SLC30A9: variants seen among roughly 807,000 people sequenced by gnomAD.
SLC30A9 encodes the protein solute carrier family 30 member 9, also known as proton-coupled zinc antiporter SLC30A9, mitochondrial.
Under a neutral mutation model 87.5 loss-of-function variants are expected in SLC30A9, and 58 were observed. That is an observed-to-expected ratio of 0.66 (90% CI 0.54 to 0.82). The LOEUF is 0.82. Ranked by LOEUF, SLC30A9 falls within the 40% of genes least tolerant of loss-of-function variation. The pLI, the probability that SLC30A9 is intolerant of heterozygous loss-of-function variation, is 0.00. For synonymous variants in SLC30A9, 234 were observed against 233.0 expected (o/e 1.00, Z -0.04); for missense variants, 557 against 679.1 (o/e 0.82, Z 2.00).
intron 6 of SLC30A9, among the ~76,000 whole-genome samples, chr4:42,031,993 C>T (rs1248772160): frequency 6.6e-6 from 1 of 152,124 alleles, no homozygotes; most frequent in African/African-American, 2.4e-5. Flanking sequence ...GTATAGAAAG[C>T]ATAGAAGCTT....
At chr4:42,010,503 A>AAC (rs1459423622) in intron 2 of SLC30A9, among the ~76,000 whole-genome samples, 1 of 152,030 alleles carries the variant, frequency 6.6e-6, no homozygotes, top group African/African-American at 2.4e-5. Flanking sequence ...AAATAAAATA[A>AAC]ACACACACAC....
chr4:42,048,757 CAT>C (rs1717269508), intron 8 of SLC30A9, among the ~76,000 whole-genome samples: 1 of 152,104 alleles, frequency 6.6e-6, no homozygotes, highest in Non-Finnish European at 1.5e-5. Flanking sequence ...ACCTAAAACA[CAT>C]AATTTTCTTT....
At chr4:42,004,610 T>C (rs1215294711) in intron 2 of SLC30A9, among the ~76,000 whole-genome samples, 1 of 152,048 alleles carries the variant, frequency 6.6e-6, no homozygotes, top group Non-Finnish European at 1.5e-5. Context: ...TGGTTGATTA[T>C]GTATGTTGGG....
At chr4:42,034,028 AAACGAT>A (rs1716571036) in intron 6 of SLC30A9, among the ~76,000 whole-genome samples, 1 of 152,196 alleles carries the variant, frequency 6.6e-6, no homozygotes, top group Non-Finnish European at 1.5e-5. Context: ...TTTGCTATTA[AAACGAT>A]ACCATGAGAA....
intron 11 of SLC30A9, among the ~76,000 whole-genome samples, chr4:42,063,905 GC>G (rs1320512201): frequency 6.6e-6 from 1 of 152,190 alleles, no homozygotes; most frequent in East Asian, 1.9e-4. Flanking sequence ...TGGAAAGAAT[GC>G]CCTTTGAGCA....
Position 42,065,369 on chromosome 4 carries a change from A to T in SLC30A9, c.1072+20A>T. 8.2e-7 allele frequency: 1 copy of T among 1,226,216 alleles called. No individual in the cohort carries two copies. The highest frequency in any genetic ancestry group is 1.2e-6 in the Non-Finnish European group (1 of 831,870). The allele number at this position is 1,226,216 out of a possible 1,614,324, so 76.0% of individuals were successfully genotyped here. ...AAGGAGGTATGTACTGTCACAAAGT[A>T]TGTCTCTATTCTTAATTTAGTAATA... On this transcript the variant is annotated intron_variant, in intron 12 of 17. Transcript: ENST00000264451.
intron 6 of SLC30A9, chr4:42,029,953 G>A: frequency 1.2e-6 from 1 of 851,810 alleles, no homozygotes; most frequent in Non-Finnish European, 2.0e-6. Context: ...CCCTACTATG[G>A]CAAACTCCTG....
chr4:42,030,080 G>T, intron 6 of SLC30A9: 1 of 862,956 alleles, frequency 1.2e-6, no homozygotes. Context: ...GAGAAAGATG[G>T]TTTTCAGGGA....
chr4:42,037,376 G>C (rs1240231015), intron 7 of SLC30A9, among the ~76,000 whole-genome samples: 1 of 144,690 alleles, frequency 6.9e-6, no homozygotes, highest in Non-Finnish European at 1.5e-5. Context: ...CTGCTCCTCT[G>C]GTATTTAATT....
chr4:42,077,478 C>T (rs936240901), intron 16 of SLC30A9, among the ~76,000 whole-genome samples: 16 of 152,056 alleles, frequency 1.1e-4, no homozygotes, highest in Non-Finnish European at 1.8e-4. Flanking sequence ...GATCTTGGCT[C>T]ACTGCAACCT....
intron 4 of SLC30A9, 31 bp downstream of exon 4, chr4:42,020,546 C>A: frequency 8.4e-7 from 1 of 1,184,178 alleles, no homozygotes; most frequent in South Asian, 1.3e-5. Flanking sequence ...AGCCGTGTGT[C>A]ATATCTAAAT....
chr4:41,996,581 A>C (rs1052561830), intron 1 of SLC30A9, among the ~76,000 whole-genome samples: 3 of 152,054 alleles, frequency 2.0e-5, no homozygotes, highest in Non-Finnish European at 4.4e-5. Context: ...TCTACAAAAA[A>C]AAATTAAAAA....
At chr4:42,051,876 G>A (rs1489559615) in intron 9 of SLC30A9, among the ~76,000 whole-genome samples, 1 of 151,756 alleles carries the variant, frequency 6.6e-6, no homozygotes, top group Non-Finnish European at 1.5e-5. Flanking sequence ...TAACCCTGAT[G>A]CCAAAATTTT....
chr4:42,018,235 T>G (rs1271287105), intron 3 of SLC30A9, 65 bp downstream of exon 3: 1 of 926,020 alleles, frequency 1.1e-6, no homozygotes, highest in Non-Finnish European at 1.7e-6. Flanking sequence ...TAACATTGGT[T>G]TATGTAGAGC....
At chr4:42,079,065 AT>A (rs373218457) in intron 17 of SLC30A9, among the ~76,000 whole-genome samples, 8 of 152,088 alleles carry the variant, frequency 5.3e-5, no homozygotes, top group African/African-American at 1.9e-4. Flanking sequence ...TTCAAATAAG[AT>A]TTTGTTAATA....
In SLC30A9 at chr4:42,023,302, A is replaced by G. The variant is rs770648488; in HGVS notation, c.528A>G (p.Lys176=). The change falls in exon 6 of 18, where the codon AAA becomes AAG. Residue 176 remains lysine, a splice_region_variant and synonymous_variant. Coordinates refer to ENST00000264451, the MANE Select transcript of SLC30A9 (RefSeq NM_006345.4). ...TVYLRSDVEA[K]SLEVWGSPEA... ...GTGGTGACCATGTGTGTATGCACAG[A>G]TCTTTGGAAGTTTGGGGAAGCCCTG... 3 of 1,611,248 alleles carry G rather than the reference A, an allele frequency of 1.9e-6. No individual in the cohort carries two copies. Among genetic ancestry groups the G allele is most frequent in the African/African-American group, 1.3e-5 (1 of 75,002 alleles).
chr4:42,020,513 C>T lies in SLC30A9; in HGVS notation c.432C>T (p.Ser144=), dbSNP rs745984152. 1.2e-5 allele frequency: 18 copies of T among 1,562,302 alleles called. 1 individual carries two copies. The South Asian group carries it at 2.0e-4, about 18-fold the overall frequency. Reference sequence around the variant, plus strand: ...CGATAAATGAGTTCTGCCTCAAATCCAGGTAATTTTTTTAAAAAATGTAGC... The same window carrying T: ...CGATAAATGAGTTCTGCCTCAAATCTAGGTAATTTTTTTAAAAAATGTAGC... ...VRAINEFCLK[S]SDLEQLRKIR... is the part of the protein sequence containing the mutation. Residue 144 remains serine, a splice_region_variant and synonymous_variant, in exon 4 of 18, where the codon TCC becomes TCT. Coordinates refer to ENST00000264451, the MANE Select transcript of SLC30A9 (RefSeq NM_006345.4).
chr4:42,053,231 A>C (rs1024701581), intron 9 of SLC30A9, among the ~76,000 whole-genome samples: 6 of 152,202 alleles, frequency 3.9e-5, no homozygotes, highest in African/African-American at 1.4e-4. Context: ...GAAGATGTGG[A>C]GCAGCCAGAT....
Position 42,066,537 on chromosome 4 carries a change from GCTTTT to G in SLC30A9, c.1073-7_1073-3del, listed in dbSNP as rs1718083005. 1 of 1,581,006 alleles carries G rather than the reference GCTTTT, an allele frequency of 6.3e-7. No homozygotes were observed. Among genetic ancestry groups the G allele is most frequent in the Non-Finnish European group, 8.6e-7 (1 of 1,157,758 alleles). On this transcript the variant is annotated splice_polypyrimidine_tract_variant and splice_region_variant and intron_variant, in intron 12 of 17. Transcript: ENST00000264451. ...AAGTTTCTGTCTTGCTGATATGAAT[GCTTTT>G]CTTTTAGCAACACTTCTTGTTGCTG...
Sources: allele counts gnomAD v4.1 joint callset (sites outside exome capture counted in the v4.1 genomes callset), GRCh38; gene constraint gnomAD v4.1.1; transcripts MANE v1.5; gene names NCBI Gene and HGNC (gene_info 2026-07-23, HGNC 2026-07-21).